CCNH: variants seen among roughly 807,000 people sequenced by gnomAD.
CCNH encodes cyclin H.
CCNH carries 31 observed loss-of-function variants against 41.9 expected under a neutral mutation model. That is an observed-to-expected ratio of 0.74 (90% confidence interval 0.56 to 1.00). The LOEUF is 1.00. CCNH is among the 50% of genes least tolerant of loss of function. The probability of loss-of-function intolerance (pLI) is 0.00; values close to 1 mark genes in which losing one functional copy is unlikely to be tolerated. For missense variants in CCNH, 362 were observed against 388.4 expected, an observed-to-expected ratio of 0.93 and a Z score of 0.57; for synonymous variants, 138 against 136.1, an observed-to-expected ratio of 1.01 and a Z score of -0.10.
intron 9 of CCNH, among the ~76,000 whole-genome samples, chr5:87,365,408 C>T (rs1760438777): frequency 6.6e-6 from 1 of 152,094 alleles, no homozygotes; most frequent in Non-Finnish European, 1.5e-5. Context: ...CTTGTTCAAT[C>T]ATCCAGGTAC....
chr5:87,361,138 T>C (rs1318856940), intron 9 of CCNH, among the ~76,000 whole-genome samples: 3 of 152,188 alleles, frequency 2.0e-5, no homozygotes, highest in Non-Finnish European at 4.4e-5. Flanking sequence ...GTTCATTTAG[T>C]GTGTCCACTA....
chr5:87,375,470 A>T (rs1761263396), downstream of CCNH, among the ~76,000 whole-genome samples: 1 of 152,200 alleles, frequency 6.6e-6, no homozygotes, highest in Non-Finnish European at 1.5e-5. Context: ...CATGTTGGCC[A>T]GGCTGGTTTC....
In CCNH at chr5:87,361,765, TA is replaced by T. The variant is rs151139365; in HGVS notation, c.*90+31004del. On this transcript the variant is annotated intron_variant and NMD_transcript_variant, in intron 9 of 9. Transcript: ENST00000645953. ...ACAGGGCTTTTGAGAAAAGTGAGGT[TA>T]GGGGTGTTAACACTTAGAAATTTCA... Among the ~76,000 whole-genome samples the T allele has an allele frequency of 2.2e-3, 334 of 152,266 alleles. 1 individual carries two copies. Among genetic ancestry groups the T allele is most frequent in the African/African-American group, 7.8e-3 (323 of 41,558 alleles).
intron 9 of CCNH, among the ~76,000 whole-genome samples, chr5:87,383,075 C>T (rs1761833071): frequency 6.6e-6 from 1 of 151,840 alleles, no homozygotes. Context: ...GCCTGGGTGA[C>T]AGAACAAAAC....
intron 9 of CCNH, among the ~76,000 whole-genome samples, chr5:87,329,272 C>CT (rs1301272612): frequency 2.7e-5 from 4 of 147,812 alleles, no homozygotes; most frequent in African/African-American, 1.0e-4. Flanking sequence ...TGGCAAAACT[C>CT]TGTCTCTCCA....
rs1461938466 is a variant in CCNH, at chr5:87,399,472, G to A, written c.794C>T (p.Pro265Leu). The change falls in exon 7 of 9, where the codon CCC becomes CTC. Residue 265 changes from proline (P) to leucine (L), a missense_variant. Physicochemically the swap from Pro to Leu is moderately conservative, Grantham distance 98. Transcript: ENST00000256897. ...MRNLVKKYEP[P>L]RSEEVAVLKQ... ...CAGAACAGCAACTTCTTCAGATCTGGGTGGTTCATACTTCTTTACTAAGTT... is the reference window on the plus strand; with the variant it reads ...CAGAACAGCAACTTCTTCAGATCTGAGTGGTTCATACTTCTTTACTAAGTT... 1.9e-6 allele frequency: 3 copies of A among 1,613,440 alleles called. No homozygotes were observed. Among genetic ancestry groups the A allele is most frequent in the African/African-American group, 1.3e-5 (1 of 74,864 alleles).
At chr5:87,363,282 AT>A in intron 9 of CCNH, 1 of 1,369,874 alleles carries the variant, frequency 7.3e-7, no homozygotes, top group East Asian at 2.3e-5. Context: ...AGAAACACTA[AT>A]TTTAATAATA....
chr5:87,363,502 C>T, intron 9 of CCNH: 1 of 1,610,224 alleles, frequency 6.2e-7, no homozygotes, highest in African/African-American at 1.3e-5. Flanking sequence ...GTCTCTTTGG[C>T]AGGTAAGAGA....
At chr5:87,315,117 T>C (rs1756226868), downstream of CCNH, among the ~76,000 whole-genome samples, 1 of 152,236 alleles carries the variant, frequency 6.6e-6, no homozygotes, top group Non-Finnish European at 1.5e-5. Context: ...CATAAAGAAG[T>C]ACAGAATTAC....
downstream of CCNH, chr5:87,372,253 TTTTTA>T (rs1761003125): frequency 2.2e-5 from 32 of 1,485,890 alleles, no homozygotes; most frequent in Middle Eastern, 1.7e-4. Context: ...CACTTTGCTC[TTTTTA>T]TTTTATTTTT....
chr5:87,359,989 T>G (rs574594150), intron 9 of CCNH, among the ~76,000 whole-genome samples: 1 of 152,326 alleles, frequency 6.6e-6, no homozygotes, highest in East Asian at 1.9e-4. Flanking sequence ...TGAAATCAGA[T>G]ACTTGTCTAA....
At chr5:87,372,839 G>A (rs1761048739), downstream of CCNH, among the ~76,000 whole-genome samples, 1 of 152,098 alleles carries the variant, frequency 6.6e-6, no homozygotes, top group Non-Finnish European at 1.5e-5. Context: ...ACTAACCAAA[G>A]TGTCTCCTGT....
chr5:87,350,483 G>T (rs1298462477), intron 9 of CCNH, among the ~76,000 whole-genome samples: 2 of 151,716 alleles, frequency 1.3e-5, no homozygotes, highest in Non-Finnish European at 3.0e-5. Flanking sequence ...CCTTTTTAAA[G>T]ATAAAATAAT....
downstream of CCNH, chr5:87,391,687 G>A: frequency 4.3e-6 from 1 of 232,714 alleles, no homozygotes. Context: ...TTTCTTTTAT[G>A]TTAACTAGAA....
intron 9 of CCNH, chr5:87,333,118 T>C: frequency 8.4e-7 from 1 of 1,195,850 alleles, no homozygotes; most frequent in Non-Finnish European, 1.1e-6. Context: ...TTCTAGGCAC[T>C]GGGTATTTAT....
chr5:87,408,277 C>A, intron 3 of CCNH, 91 bp from the exon 4 acceptor site: 8 of 560,316 alleles, frequency 1.4e-5, no homozygotes, highest in East Asian at 3.2e-5. Context: ...TAATTTATTT[C>A]TAAAAGTATA....
chr5:87,353,882 T>C (rs943801255), intron 9 of CCNH, among the ~76,000 whole-genome samples: 2 of 152,122 alleles, frequency 1.3e-5, no homozygotes, highest in Admixed American at 1.3e-4. Context: ...TTCTTCCTCA[T>C]TGCACTTTCT....
chr5:87,334,999 C>T (rs1034432364), intron 9 of CCNH, among the ~76,000 whole-genome samples: 5 of 152,014 alleles, frequency 3.3e-5, no homozygotes, highest in Admixed American at 2.0e-4. Context: ...TTCTTTGCCT[C>T]GGTCTTCTGA....
chr5:87,398,182 G>A (rs774914332), intron 7 of CCNH, among the ~76,000 whole-genome samples: 15 of 152,166 alleles, frequency 9.9e-5, no homozygotes, highest in Non-Finnish European at 2.2e-4. Context: ...AACATGCTTT[G>A]TCGTTATACC....
Sources: gnomAD v4.1 joint callset for allele counts (sites outside exome capture counted in the v4.1 genomes callset) on GRCh38, gnomAD v4.1.1 for gene constraint, MANE v1.5 for transcripts, NCBI Gene and HGNC (gene_info 2026-07-23, HGNC 2026-07-21) for gene names.